DHX9: variants seen among roughly 807,000 people sequenced by gnomAD.
The protein encoded by DHX9 is ATP-dependent RNA helicase A.
Under a neutral mutation model 148.7 loss-of-function variants are expected in DHX9, and 27 were observed. The observed-to-expected ratio is 0.18, with a 90% CI of 0.13 to 0.25. DHX9 has a LOEUF of 0.25. DHX9 is among the 10% of genes least tolerant of loss of function. The pLI is 1.00. For synonymous variants in DHX9, 529 were observed against 516.6 expected (o/e 1.02, Z -0.33); for missense variants, 796 against 1,559.6 (o/e 0.51, Z 8.25).
At chr1:182,840,353 G>C (rs534008517) in intron 1 of DHX9, among the ~76,000 whole-genome samples, 6 of 144,304 alleles carry the variant, frequency 4.2e-5, no homozygotes, top group African/African-American at 1.6e-4. Context: ...AGACTGGAGT[G>C]CAGTGGCGCG....
At position 182,887,121 on chromosome 1, in the gene DHX9, A is replaced by T. The variant is rs376699363; in HGVS notation, c.3500A>T (p.Tyr1167Phe). ...CCACGTCCTCCCAAGATGGCCCGAT[A>T]CGACAATGGAAGCGGATATAGAAGG... is the stretch of plus-strand genomic sequence containing the variant. ...DGPRPPKMARYDNGSGYRRGG... is the reference protein window; with the variant it reads ...DGPRPPKMARFDNGSGYRRGG... Residue 1167 changes from tyrosine to phenylalanine, a missense_variant, in exon 28 of 28, where the codon TAC becomes TTC. Tyr to Phe is a conservative substitution (Grantham distance 22). Around this residue, in one of 14 missense-constraint regions of DHX9, gnomAD observed 86 missense variants for 156.3 expected, o/e 0.55. Coordinates refer to ENST00000367549, the MANE Select transcript of DHX9 (RefSeq NM_001357.5). The T allele has an allele frequency of 2.5e-6, 4 of 1,614,170 alleles. No homozygotes were observed. The highest frequency in any genetic ancestry group is 3.4e-6 in the Non-Finnish European group (4 of 1,180,012).
chr1:182,853,263 C>T lies in DHX9; in HGVS notation c.365-43C>T, dbSNP rs4652750. The T allele has an allele frequency of 2.4e-3, 3,325 of 1,366,286 alleles. 6 individuals carry two copies. Among genetic ancestry groups the T allele is most frequent in the Non-Finnish European group, 3.2e-3 (3,138 of 975,180 alleles). The allele number at this position is 1,366,286 out of a possible 1,614,324, so 84.6% of individuals were successfully genotyped here. A position where few individuals can be genotyped will look rare whatever the true frequency, so the allele number is the denominator to read the frequency against. ...ATTCTTTAATGTATTTAGGATTTTTCTACAGTTATGACTCATTAAGAGAAT... is the reference window on the plus strand; with the variant it reads ...ATTCTTTAATGTATTTAGGATTTTTTTACAGTTATGACTCATTAAGAGAAT... On this transcript the variant is annotated intron_variant, in intron 4 of 27. Coordinates refer to ENST00000367549, the MANE Select transcript of DHX9 (RefSeq NM_001357.5).
rs1348804005 is a variant in DHX9 at position 182,876,017 on chromosome 1, C to A, written c.1816-33C>A. ...AGACTTACCTCATGAGTAACTGAGA[C>A]AATCCAAAAATATGTCTCCCTGTTT... On this transcript the variant is annotated intron_variant, in intron 16 of 27. Coordinates refer to ENST00000367549, the MANE Select transcript of DHX9 (RefSeq NM_001357.5). 3.8e-6 allele frequency: 6 copies of A among 1,579,918 alleles called. No individual in the cohort carries two copies. In the Admixed American group the frequency reaches 1.0e-4, roughly 27 times the overall value.
At chr1:182,842,155 T>TACCC (rs1299819099) in intron 1 of DHX9, among the ~76,000 whole-genome samples, 1 of 152,220 alleles carries the variant, frequency 6.6e-6, no homozygotes, top group African/African-American at 2.4e-5. Flanking sequence ...ACAATGATAG[T>TACCC]ACCCACCATA....
chr1:182,850,271 C>A (rs1477648202), intron 3 of DHX9, among the ~76,000 whole-genome samples: 1 of 152,030 alleles, frequency 6.6e-6, no homozygotes, highest in Non-Finnish European at 1.5e-5. Flanking sequence ...GCTAAATCAT[C>A]CAGCCTTGGT....
intron 21 of DHX9, among the ~76,000 whole-genome samples, chr1:182,879,681 A>G (rs1237222214): frequency 6.6e-6 from 1 of 152,214 alleles, no homozygotes; most frequent in Non-Finnish European, 1.5e-5. Context: ...AGATCAGAAC[A>G]TAACTTACTC....
chr1:182,858,800 G>A lies in DHX9; in HGVS notation c.968G>A (p.Arg323Gln), dbSNP rs761493271. The A allele has an allele frequency of 2.5e-6, 4 of 1,614,074 alleles. No individual in the cohort carries two copies. The highest frequency in any genetic ancestry group is 2.2e-5 in the South Asian group (2 of 91,056). ...GKLAQFEPSQ[R>Q]QNQVGVVPWS... ...TTGGCTCAGTTCGAACCATCTCAGCGACAAAACCAAGTGGGTGTGGTTCCT... is the reference window on the plus strand; with the variant it reads ...TTGGCTCAGTTCGAACCATCTCAGCAACAAAACCAAGTGGGTGTGGTTCCT... Residue 323 changes from arginine (R) to glutamine (Q), a missense_variant, in exon 10 of 28, where the codon CGA becomes CAA. Coordinates refer to ENST00000367549, the MANE Select transcript of DHX9 (RefSeq NM_001357.5).
At chr1:182,869,162 G>A (rs1285561291) in intron 14 of DHX9, among the ~76,000 whole-genome samples, 4 of 152,146 alleles carry the variant, frequency 2.6e-5, no homozygotes, top group African/African-American at 9.6e-5. Flanking sequence ...AGTGGCTCAC[G>A]CCTGTAATCC....
chr1:182,878,638 CT>C (rs1648935149), intron 20 of DHX9, among the ~76,000 whole-genome samples: 1 of 152,200 alleles, frequency 6.6e-6, no homozygotes, highest in Non-Finnish European at 1.5e-5. Flanking sequence ...TCAGATATCT[CT>C]TTTAAAACTG....
rs1648294954 is a variant in DHX9 at position 182,866,301 on chromosome 1, A to G, written c.1333-143A>G. On this transcript the variant is annotated intron_variant, in intron 12 of 27. Transcript: ENST00000367549. Reference sequence around the variant, plus strand: ...TTTTAAGTGTCTGCCGTAGAACCAAATAGTATTTTTTGTACATTTATTGTT... The same window carrying G: ...TTTTAAGTGTCTGCCGTAGAACCAAGTAGTATTTTTTGTACATTTATTGTT... The G allele has an allele frequency of 1.4e-5, 12 of 851,888 alleles. No individual in the cohort carries two copies. The South Asian group carries it at 2.3e-4, about 16-fold the overall frequency. The allele number at this position is 851,888 out of a possible 1,614,324, so 52.8% of individuals were successfully genotyped here.
At position 182,872,357 on chromosome 1, in the gene DHX9, A is replaced by G. The variant is rs1648586996; in HGVS notation, c.1578A>G (p.Val526=). 6.2e-7 allele frequency: 1 copy of G among 1,612,132 alleles called. No individual in the cohort carries two copies. Among genetic ancestry groups the G allele is most frequent in the Non-Finnish European group, 8.5e-7 (1 of 1,179,380 alleles). ...RDINTDFLLV[V]LRDVVQAYPE... ...AATAGACTGACTTCCTTTTGGTAGT[A>G]CTGCGTGATGTTGTTCAGGCTTATC... The change falls in exon 15 of 28, where the codon GTA becomes GTG. Residue 526 remains valine, a synonymous_variant. Coordinates refer to ENST00000367549, the MANE Select transcript of DHX9 (RefSeq NM_001357.5).
rs140981529 is a variant in DHX9 at position 182,870,436 on chromosome 1, G to A, written c.1558-1901G>A. 4.6e-5 allele frequency among the ~76,000 whole-genome samples: 7 copies of A among 152,308 alleles called. No homozygotes were observed. In the East Asian group the frequency reaches 1.2e-3, roughly 25 times the overall value. On this transcript the variant is annotated intron_variant, in intron 14 of 27. Coordinates refer to ENST00000367549, the MANE Select transcript of DHX9 (RefSeq NM_001357.5). ...CTTTGAAGCTAAAATAATCGAGACA[G>A]TGAGGTACATGAGTTGACAGATGGG...
chr1:182,886,069 A>G (rs974252867), intron 27 of DHX9, among the ~76,000 whole-genome samples: 15 of 152,334 alleles, frequency 9.8e-5, no homozygotes, highest in African/African-American at 3.4e-4. Flanking sequence ...ATGTGACTGG[A>G]TTAGACAGAT....
intron 11 of DHX9, 28 bp downstream of exon 11, chr1:182,859,145 T>G (rs754538011): frequency 7.5e-6 from 12 of 1,593,448 alleles, no homozygotes; most frequent in African/African-American, 1.3e-5. Flanking sequence ...AGACAAGTAG[T>G]GCTCAGAGCT....
chr1:182,869,607 T>A (rs1367160561), intron 14 of DHX9, among the ~76,000 whole-genome samples: 1 of 150,466 alleles, frequency 6.6e-6, no homozygotes, highest in African/African-American at 2.5e-5. Flanking sequence ...CAGTTTGGTT[T>A]GGTCTTGTCC....
At chr1:182,857,928 T>G (rs949527208) in intron 7 of DHX9, among the ~76,000 whole-genome samples, 176 bp from the exon 8 acceptor site, 6 of 152,238 alleles carry the variant, frequency 3.9e-5, no homozygotes, top group Non-Finnish European at 8.8e-5. Context: ...GTTGATAAGC[T>G]GTTTGGCAAT....
intron 2 of DHX9, 84 bp downstream of exon 2, chr1:182,842,761 T>C: frequency 9.3e-7 from 1 of 1,072,750 alleles, no homozygotes; most frequent in Non-Finnish European, 1.4e-6. Flanking sequence ...TTTGGAGATG[T>C]TAATGTGTTG....
At chr1:182,842,384 CAT>C (rs10606512) in intron 1 of DHX9, among the ~76,000 whole-genome samples, 159 bp from the exon 2 acceptor site, 4,987 of 152,236 alleles carry the variant, frequency 0.033, 191 homozygotes, top group African/African-American at 0.089. Flanking sequence ...TTTCTTACAA[CAT>C]ATAAACGTTC....
chr1:182,847,316 G>C (rs576081677), intron 3 of DHX9, among the ~76,000 whole-genome samples: 4 of 152,290 alleles, frequency 2.6e-5, no homozygotes, highest in Non-Finnish European at 5.9e-5. Context: ...ATATTATGCT[G>C]TGGAGACTCT....
Sources: gnomAD v4.1 joint callset for allele counts (sites outside exome capture counted in the v4.1 genomes callset) on GRCh38, gnomAD v4.1.1 for gene constraint, gnomAD v4.1.1 regional missense constraint, MANE v1.5 for transcripts, NCBI Gene and HGNC (gene_info 2026-07-23, HGNC 2026-07-21) for gene names.